CRACD: variants seen among roughly 807,000 people sequenced by gnomAD.
The protein encoded by CRACD is capping protein-inhibiting regulator of actin dynamics.
CRACD carries 56 observed loss-of-function variants against 106.8 expected under a neutral mutation model. The observed-to-expected ratio is 0.52, with a 90% CI of 0.42 to 0.66. The LOEUF (loss-of-function observed/expected upper bound fraction) is 0.66. Among genes scored for constraint, CRACD ranks in the 30% least tolerant of loss-of-function variants. The pLI, the probability that CRACD is intolerant of heterozygous loss-of-function variation, is 0.00. For missense variants in CRACD, 1,730 were observed against 1,623.2 expected (o/e 1.07, Z -1.13); for synonymous variants, 754 against 670.8 (o/e 1.12, Z -1.92).
Position 56,310,589 on chromosome 4 carries a change from G to A in CRACD, c.286-77G>A, listed in dbSNP as rs370753720. On this transcript the variant is annotated intron_variant, in intron 5 of 10. Coordinates refer to ENST00000682029, the MANE Select transcript of CRACD (RefSeq NM_001393381.1). ...GTAGAGGAGGGGGTGACCCTACCCA[G>A]GCACAGACAGTGTCTGGTTATTTGC... 2.7e-5 allele frequency: 28 copies of A among 1,041,388 alleles called. No homozygotes were observed. The Middle Eastern group carries it at 8.3e-4, about 31-fold the overall frequency. The allele number at this position is 1,041,388 out of a possible 1,614,324, so 64.5% of individuals were successfully genotyped here.
chr4:56,262,213 G>A (rs1334249018), intron 2 of CRACD, among the ~76,000 whole-genome samples: 2 of 152,212 alleles, frequency 1.3e-5, no homozygotes, highest in Non-Finnish European at 2.9e-5. Flanking sequence ...GGTGATGGAA[G>A]GAGAGTCATC....
At position 56,330,250 on chromosome 4, in the gene CRACD, A is replaced by G. The variant is rs1419617273; in HGVS notation, c.*2446A>G. On this transcript the variant is annotated 3_prime_UTR_variant, in exon 11 of 11. Transcript: ENST00000682029. Reference sequence around the variant, plus strand: ...CTCCTGGCAAGGTTATAGATGATTAACCTCTGTTCATAGACTTATATATAA... The same window carrying G: ...CTCCTGGCAAGGTTATAGATGATTAGCCTCTGTTCATAGACTTATATATAA... Among the ~76,000 whole-genome samples the G allele has an allele frequency of 6.6e-6, 1 of 151,748 alleles. No individual in the cohort carries two copies. Among genetic ancestry groups the G allele is most frequent in the African/African-American group, 2.4e-5 (1 of 41,314 alleles).
At chr4:56,092,199 T>C (rs6849646) in intron 1 of CRACD, among the ~76,000 whole-genome samples, 16,464 of 152,216 alleles carry the variant, frequency 0.11, 944 homozygotes, top group East Asian at 0.19. Context: ...AAGGCATCAC[T>C]GAGGAGGAAA....
intron 2 of CRACD, among the ~76,000 whole-genome samples, chr4:56,227,671 G>A (rs1341513943): frequency 1.3e-5 from 2 of 152,184 alleles, no homozygotes; most frequent in East Asian, 3.9e-4. Flanking sequence ...ATAGCCACAG[G>A]CAGGGCTTAA....
chr4:56,294,414 C>A (rs61650558), intron 3 of CRACD, among the ~76,000 whole-genome samples: 1 of 151,780 alleles, frequency 6.6e-6, no homozygotes, highest in Non-Finnish European at 1.5e-5. Flanking sequence ...AAGAATAAAC[C>A]TATCAAAATA....
chr4:56,065,386 C>T (rs1331677799), intron 1 of CRACD, among the ~76,000 whole-genome samples: 1 of 152,170 alleles, frequency 6.6e-6, no homozygotes, highest in East Asian at 1.9e-4. Context: ...CTGCGCCCAG[C>T]ACCATGAGTC....
At chr4:56,072,860 G>A (rs567416536) in intron 1 of CRACD, among the ~76,000 whole-genome samples, 5 of 152,106 alleles carry the variant, frequency 3.3e-5, no homozygotes, top group African/African-American at 1.2e-4. Flanking sequence ...GCAGTGTTTG[G>A]TTTTCTGTTC....
intron 2 of CRACD, among the ~76,000 whole-genome samples, chr4:56,184,170 A>G (rs1736984908): frequency 2.6e-5 from 4 of 152,132 alleles, no homozygotes; most frequent in Admixed American, 2.6e-4. Context: ...TCCCAGGTTC[A>G]AGTGATTCTC....
In CRACD at chr4:56,329,876, A is replaced by G. The variant is rs1746695296; in HGVS notation, c.*2072A>G. On this transcript the variant is annotated 3_prime_UTR_variant, in exon 11 of 11. Transcript: ENST00000682029. ...GTTACAAAAAGTTGTAGATGTGTCA[A>G]CTTTGTATTGGCTGGGATATCACTG... Among the ~76,000 whole-genome samples the G allele has an allele frequency of 6.6e-6, 1 of 152,196 alleles. No homozygotes were observed. The highest frequency in any genetic ancestry group is 1.5e-5 in the Non-Finnish European group (1 of 68,038).
intron 1 of CRACD, among the ~76,000 whole-genome samples, chr4:56,077,057 G>A (rs1053086423): frequency 6.6e-6 from 1 of 152,134 alleles, no homozygotes; most frequent in Admixed American, 6.5e-5. Flanking sequence ...TGTGCTGTAG[G>A]CCCCTTCACA....
intron 3 of CRACD, among the ~76,000 whole-genome samples, chr4:56,280,019 CATTCTCAG>C: frequency 6.6e-6 from 1 of 151,638 alleles, no homozygotes; most frequent in Non-Finnish European, 1.5e-5. Context: ...TGGAAACCAT[CATTCTCAG>C]CAAACTATCG....
At position 56,314,713 on chromosome 4, in the gene CRACD, A is replaced by T. The variant is rs1241642223; in HGVS notation, c.1211A>T (p.Glu404Val). The T allele has an allele frequency of 6.4e-7, 1 of 1,561,758 alleles. No homozygotes were observed. Among genetic ancestry groups the T allele is most frequent in the South Asian group, 1.2e-5 (1 of 85,004 alleles). Residue 404 changes from glutamate to valine, a missense_variant, in exon 8 of 11, where the codon GAG becomes GTG. Glu to Val is a moderately radical substitution (Grantham distance 121). Transcript: ENST00000682029. This position sits in a 1 kb window ranked among gnomAD's most constrained non-coding sequence, Gnocchi z 4.4. The part of the protein sequence containing the change: ...RGAEEEDLGE[E>V]EEEGQAHLED... ...GCGGAGGAGGAGGATCTGGGGGAAG[A>T]GGAGGAGGAGGGCCAGGCGCACCTG...
At chr4:56,302,988 G>C (rs1288021584) in intron 4 of CRACD, among the ~76,000 whole-genome samples, 1 of 152,188 alleles carries the variant, frequency 6.6e-6, no homozygotes, top group Non-Finnish European at 1.5e-5. Context: ...CAGCAACATG[G>C]AGTGTCAGTT....
intron 6 of CRACD, 26 bp from the exon 7 acceptor site, chr4:56,313,171 A>T (rs1421515093): frequency 6.3e-7 from 1 of 1,597,986 alleles, no homozygotes; most frequent in Non-Finnish European, 8.6e-7. Flanking sequence ...ATCCCAACTG[A>T]CTTTCTATTT....
chr4:56,323,437 A>C lies in CRACD; in HGVS notation c.3248A>C (p.Glu1083Ala). ...GGCTCCAAACTTACAGAGAAAGTGG[A>C]AACTGCTCAGCCGCTGTGGATAACG... ...LDGSKLTEKV[E>A]TAQPLWITLA... Residue 1083 changes from glutamate to alanine, a missense_variant, in exon 9 of 11, where the codon GAA (glutamate) becomes GCA (alanine). Transcript: ENST00000682029. 12 of 1,611,562 alleles carry C rather than the reference A, an allele frequency of 7.4e-6. No individual in the cohort carries two copies. Among genetic ancestry groups the C allele is most frequent in the Non-Finnish European group, 1.0e-5 (12 of 1,179,402 alleles).
chr4:56,162,983 A>G (rs1177592372), intron 1 of CRACD, among the ~76,000 whole-genome samples: 1 of 152,184 alleles, frequency 6.6e-6, no homozygotes, highest in Non-Finnish European at 1.5e-5. Flanking sequence ...ACTTTAATGA[A>G]TGGGCATGGC....
intron 1 of CRACD, among the ~76,000 whole-genome samples, chr4:56,132,218 T>C (rs1433531803): frequency 1.3e-5 from 2 of 152,140 alleles, no homozygotes; most frequent in Non-Finnish European, 2.9e-5. Context: ...TTTGGTATTT[T>C]TAGTAGAGAT....
chr4:56,158,396 T>A (rs1042828063), intron 1 of CRACD, among the ~76,000 whole-genome samples: 36 of 151,692 alleles, frequency 2.4e-4, no homozygotes, highest in Non-Finnish European at 4.7e-4. Context: ...TATTTTTTTT[T>A]AAAAATAATT....
intron 1 of CRACD, among the ~76,000 whole-genome samples, chr4:56,168,417 T>G (rs1232217482): frequency 6.6e-6 from 1 of 152,122 alleles, no homozygotes; most frequent in African/African-American, 2.4e-5. Flanking sequence ...TATTATCCTT[T>G]TACCATATTG....
Sources: gnomAD v4.1 joint callset for allele counts (sites outside exome capture counted in the v4.1 genomes callset) on GRCh38, gnomAD v4.1.1 for gene constraint, Gnocchi (gnomAD v3.1) non-coding constraint, MANE v1.5 for transcripts, NCBI Gene and HGNC (gene_info 2026-07-23, HGNC 2026-07-21) for gene names.